Variants in GALNT18 observed in about 807,000 individuals in gnomAD.
GALNT18 encodes GalNAc-transferase 18.
A neutral mutation model predicts 69.5 loss-of-function variants in GALNT18; 44 were observed. The ratio of observed to expected loss-of-function variants is 0.63; its 90% CI spans 0.50 to 0.81. The LOEUF (loss-of-function observed/expected upper bound fraction) is 0.81. Among genes scored for constraint, GALNT18 ranks in the 40% least tolerant of loss-of-function variants. The pLI, the probability that GALNT18 is intolerant of heterozygous loss-of-function variation, is 0.00. For missense variants in GALNT18, 715 were observed against 810.0 expected (o/e 0.88, Z 1.42); for synonymous variants, 364 against 318.2 (o/e 1.14, Z -1.53).
rs149906960 is a variant in GALNT18 at position 11,617,138 on chromosome 11, G to A, written c.235+4221C>T. On this transcript the variant is annotated intron_variant, in intron 1 of 10. Transcript: ENST00000227756. The surrounding 1 kb of genome is among the most constrained non-coding windows in gnomAD (Gnocchi z 4.7). ...AATTGGCAGATGCATCCCAAAGACA[G>A]AACTTTGGCCTGATATCAAAAGTCT... is the stretch of plus-strand genomic sequence containing the variant. 1.6e-3 allele frequency among the ~76,000 whole-genome samples: 245 copies of A among 152,288 alleles called. No individual in the cohort carries two copies. Among genetic ancestry groups the A allele is most frequent in the African/African-American group, 5.7e-3 (236 of 41,566 alleles).
At chr11:11,295,497 C>CA (rs1377842201) in intron 9 of GALNT18, among the ~76,000 whole-genome samples, 1 of 152,054 alleles carries the variant, frequency 6.6e-6, no homozygotes, top group African/African-American at 2.4e-5. Flanking sequence ...GGGGTCATGG[C>CA]AAGTGATGCT....
rs756635423 is a variant in GALNT18, at chr11:11,590,287, C to T, written c.235+31072G>A. 2.4e-4 allele frequency among the ~76,000 whole-genome samples: 37 copies of T among 152,186 alleles called. No homozygotes were observed. The highest frequency in any genetic ancestry group is 4.4e-4 in the Non-Finnish European group (30 of 68,036). On this transcript the variant is annotated intron_variant, in intron 1 of 10. Transcript: ENST00000227756. The surrounding 1 kb of genome is among the most constrained non-coding windows in gnomAD (Gnocchi z 4.4). The stretch of plus-strand genomic sequence containing the variant: ...ATGCTCTTTCCATGTTCTCTCTCCC[C>T]GTATCTGCCGATTGCATGCAAGGGG...
chr11:11,530,259 T>C (rs1417814871), intron 1 of GALNT18, among the ~76,000 whole-genome samples: 1 of 152,156 alleles, frequency 6.6e-6, no homozygotes, highest in African/African-American at 2.4e-5. Context: ...ATGCACTTAA[T>C]AACTTAAGGC....
chr11:11,467,788 C>G (rs749503223), intron 1 of GALNT18, among the ~76,000 whole-genome samples: 3 of 152,178 alleles, frequency 2.0e-5, no homozygotes, highest in Non-Finnish European at 4.4e-5. Flanking sequence ...TGTAGTATTT[C>G]CTTTCATTGT....
At chr11:11,306,346 C>T (rs4367940) in intron 9 of GALNT18, among the ~76,000 whole-genome samples, 95,783 of 151,908 alleles carry the variant, frequency 0.63, 30,689 homozygotes, top group Admixed American at 0.76. Context: ...GGAAAGAACA[C>T]AGTAATAAAA....
chr11:11,513,822 G>T (rs1211501866), intron 1 of GALNT18, among the ~76,000 whole-genome samples: 1 of 152,186 alleles, frequency 6.6e-6, no homozygotes, highest in Non-Finnish European at 1.5e-5. Context: ...AGCTTTAAAG[G>T]TGGTTGTTCT....
chr11:11,316,247 AC>A (rs1849750666), intron 9 of GALNT18, among the ~76,000 whole-genome samples: 2 of 152,232 alleles, frequency 1.3e-5, no homozygotes, highest in Non-Finnish European at 2.9e-5. Flanking sequence ...CTGCACAGCC[AC>A]CCAGCGCCTG....
In GALNT18 at chr11:11,372,712, G is replaced by A; in HGVS notation, c.978-83C>T. 1 of 1,065,512 alleles carries A rather than the reference G, an allele frequency of 9.4e-7. No homozygotes were observed. 66.0% of individuals were successfully genotyped at this position (1,065,512 alleles called of 1,614,324 possible). On this transcript the variant is annotated intron_variant, in intron 5 of 10. Transcript: ENST00000227756. The surrounding 1 kb of genome is among the most constrained non-coding windows in gnomAD (Gnocchi z 4.9). Reference sequence around the variant, plus strand: ...GCAGTAAGGCCTTCCTATCAGGAGGGTCTGGTTCTCTTCCTTCCTTTGCTG... The same window carrying A: ...GCAGTAAGGCCTTCCTATCAGGAGGATCTGGTTCTCTTCCTTCCTTTGCTG...
At chr11:11,304,749 G>C (rs147424938) in intron 9 of GALNT18, among the ~76,000 whole-genome samples, 2 of 152,322 alleles carry the variant, frequency 1.3e-5, no homozygotes, top group African/African-American at 4.8e-5. Context: ...CACGTTTCTA[G>C]CTGGAACGTG....
chr11:11,506,757 A>T (rs1484271858), intron 1 of GALNT18, among the ~76,000 whole-genome samples: 2 of 152,218 alleles, frequency 1.3e-5, no homozygotes, highest in African/African-American at 4.8e-5. Flanking sequence ...ACTTCCAGTC[A>T]ATGGGCAAGA....
At position 11,281,425 on chromosome 11, in the gene GALNT18, G is replaced by C. The variant is rs151134734; in HGVS notation, c.1678-10135C>G. 4.5e-3 allele frequency among the ~76,000 whole-genome samples: 690 copies of C among 152,282 alleles called. 9 individuals are homozygous for C. Among genetic ancestry groups the C allele is most frequent in the African/African-American group, 0.013 (528 of 41,532 alleles). ...TCAGGGTGGGGGCTGTGACCAAAGC[G>C]CACAACAAACGGGCCCGGACCAAGT... is the stretch of plus-strand genomic sequence containing the variant. On this transcript the variant is annotated intron_variant, in intron 10 of 10. Transcript: ENST00000227756.
chr11:11,548,198 A>G (rs1769964849), intron 1 of GALNT18, among the ~76,000 whole-genome samples: 1 of 152,236 alleles, frequency 6.6e-6, no homozygotes, highest in South Asian at 2.1e-4. Flanking sequence ...TAAAGCCAGC[A>G]CAGGCTGCAA....
At position 11,463,135 on chromosome 11, in the gene GALNT18, C is replaced by T. The variant is rs926013885; in HGVS notation, c.236-14199G>A. Among the ~76,000 whole-genome samples, 4 of 152,084 alleles carry T rather than the reference C, an allele frequency of 2.6e-5. No homozygotes were observed. Among genetic ancestry groups the T allele is most frequent in the East Asian group, 1.9e-4 (1 of 5,164 alleles). On this transcript the variant is annotated intron_variant, in intron 1 of 10. Transcript: ENST00000227756. This position sits in a 1 kb window ranked among gnomAD's most constrained non-coding sequence, Gnocchi z 4.2. ...ATTAGTACAGTCTCCCACAAGAGAA[C>T]AGGGTTCCTGCTTCCCTCAGTTATC...
chr11:11,381,788 G>T (rs936956316), intron 3 of GALNT18, among the ~76,000 whole-genome samples: 40 of 152,328 alleles, frequency 2.6e-4, no homozygotes, highest in African/African-American at 8.9e-4. Context: ...GATTGCAAAT[G>T]ACAGGGAGAG....
At chr11:11,297,579 T>C (rs900675853) in intron 9 of GALNT18, among the ~76,000 whole-genome samples, 1 of 152,112 alleles carries the variant, frequency 6.6e-6, no homozygotes, top group African/African-American at 2.4e-5. Context: ...ACTTCCACTG[T>C]GATCCCTTCC....
intron 6 of GALNT18, among the ~76,000 whole-genome samples, chr11:11,353,783 T>C (rs10831600): frequency 0.97 from 147,935 of 152,198 alleles, 72,004 homozygotes; most frequent in East Asian, 1. Context: ...CCAGGAGGGT[T>C]CTTTCTGAAA....
At chr11:11,544,287 T>A (rs1170539317) in intron 1 of GALNT18, among the ~76,000 whole-genome samples, 1 of 152,254 alleles carries the variant, frequency 6.6e-6, no homozygotes, top group Non-Finnish European at 1.5e-5. Flanking sequence ...CCAGGACTGC[T>A]AGGTCCTGCT....
chr11:11,550,315 C>T (rs760472827), intron 1 of GALNT18, among the ~76,000 whole-genome samples: 99 of 152,344 alleles, frequency 6.5e-4, no homozygotes, highest in Non-Finnish European at 1.2e-3. Flanking sequence ...TTCCATGCTT[C>T]GGACCTCTCA....
Position 11,382,541 on chromosome 11 carries a change from T to C in GALNT18, c.596-3277A>G, listed in dbSNP as rs1170713086. On this transcript the variant is annotated intron_variant, in intron 3 of 10. Coordinates refer to ENST00000227756, the MANE Select transcript of GALNT18 (RefSeq NM_198516.3). The surrounding 1 kb of genome is among the most constrained non-coding windows in gnomAD (Gnocchi z 4.3). ...AGCTCCAAAGATTGTGTTTTTGGAG[T>C]TGAACTTGTGTTTTTTCTTACAGCC... 6.6e-6 allele frequency among the ~76,000 whole-genome samples: 1 copy of C among 152,102 alleles called. No homozygotes were observed. Among genetic ancestry groups the C allele is most frequent in the Non-Finnish European group, 1.5e-5 (1 of 68,022 alleles).
Sources: gnomAD v4.1 joint callset for allele counts (sites outside exome capture counted in the v4.1 genomes callset) on GRCh38, gnomAD v4.1.1 for gene constraint, Gnocchi (gnomAD v3.1) non-coding constraint, MANE v1.5 for transcripts, NCBI Gene and HGNC (gene_info 2026-07-23, HGNC 2026-07-21) for gene names.